The following MINDY4 variants were observed in gnomAD, a reference collection of about 807,000 sequenced individuals.
MINDY4 encodes probable ubiquitin carboxyl-terminal hydrolase MINDY-4.
A neutral mutation model predicts 87.0 loss-of-function variants in MINDY4; 68 were observed. The ratio of observed to expected loss-of-function variants is 0.78; its 90% CI spans 0.64 to 0.96. The LOEUF is 0.96. Ranked by LOEUF, MINDY4 falls within the 40% of genes least tolerant of loss-of-function variation. The probability of loss-of-function intolerance (pLI) is 0.00; values close to 1 mark genes in which losing one functional copy is unlikely to be tolerated. For missense variants in MINDY4, 919 were observed against 928.2 expected, an observed-to-expected ratio of 0.99 and a Z score of 0.13; for synonymous variants, 379 against 363.2, an observed-to-expected ratio of 1.04 and a Z score of -0.50.
At chr7:30,856,935 A>C (rs1789591064) in intron 12 of MINDY4, among the ~76,000 whole-genome samples, 1 of 152,212 alleles carries the variant, frequency 6.6e-6, no homozygotes, top group Non-Finnish European at 1.5e-5. Context: ...AAGAATGTGC[A>C]CCATAAGCCA....
rs114979047 is a variant in MINDY4 at position 30,814,178 on chromosome 7, C to T, written c.1074-14501C>T. 4.8e-3 allele frequency among the ~76,000 whole-genome samples: 725 copies of T among 152,310 alleles called. 4 individuals are homozygous for T. The highest frequency in any genetic ancestry group is 8.3e-3 in the African/African-American group (347 of 41,570). ...AAAGAATATGAAAGTATTTAATTTT[C>T]GCAAATTTTCCAAAAATACAAGACC... On this transcript the variant is annotated intron_variant, in intron 5 of 17. Transcript: ENST00000265299.
In MINDY4 at chr7:30,778,468, CGCCCACGCTCTGACCTCA is replaced by C. The variant is rs1562527793; in HGVS notation, c.103_120del (p.Pro35_Ser40del). On this transcript the variant is annotated inframe_deletion, in exon 2 of 18. Coordinates refer to ENST00000265299, the MANE Select transcript of MINDY4 (RefSeq NM_032222.3). ...GACATGTGTGACCATGGACCAGGAA[CGCCCACGCTCTGACCTCA>C]GCATAAACAACAGAAATGATCTTCG... is the stretch of plus-strand genomic sequence containing the variant. 3 of 1,614,148 alleles carry C rather than the reference CGCCCACGCTCTGACCTCA, an allele frequency of 1.9e-6. No homozygotes were observed. Among genetic ancestry groups the C allele is most frequent in the Non-Finnish European group, 2.5e-6 (3 of 1,180,006 alleles).
intron 4 of MINDY4, among the ~76,000 whole-genome samples, chr7:30,787,837 A>G (rs1392109503): frequency 6.6e-6 from 1 of 152,198 alleles, no homozygotes; most frequent in Admixed American, 6.5e-5. Flanking sequence ...GGCTCTCTTT[A>G]TACTCTTAAA....
chr7:30,776,554 TG>T lies in MINDY4; in HGVS notation c.64-1877del, dbSNP rs150066361. On this transcript the variant is annotated intron_variant, in intron 1 of 17. Coordinates refer to ENST00000265299, the MANE Select transcript of MINDY4 (RefSeq NM_032222.3). ...CTCCCCCTATAGAGTGCAAGCTCCC[TG>T]AGGACTGGGACTTTCATCTGTTCAC... Among the ~76,000 whole-genome samples the T allele has an allele frequency of 3.6e-3, 542 of 152,354 alleles. 12 individuals are homozygous for T. Among genetic ancestry groups the T allele is most frequent in the East Asian group, 0.012 (61 of 5,190 alleles).
chr7:30,876,767 C>T (rs1343469370), intron 15 of MINDY4, among the ~76,000 whole-genome samples: 1 of 152,150 alleles, frequency 6.6e-6, no homozygotes, highest in Non-Finnish European at 1.5e-5. Flanking sequence ...ACAGTGGCCA[C>T]CCCCTGCAAA....
At chr7:30,866,924 C>T (rs996301581) in intron 13 of MINDY4, among the ~76,000 whole-genome samples, 9 of 152,172 alleles carry the variant, frequency 5.9e-5, no homozygotes, top group Admixed American at 4.6e-4. Context: ...CAACTCTCCC[C>T]CTGCCTCCTG....
rs183896051 is a variant in MINDY4, at chr7:30,787,738, G to C, written c.663+1746G>C. 2.0e-4 allele frequency among the ~76,000 whole-genome samples: 30 copies of C among 152,280 alleles called. No homozygotes were observed. The East Asian group carries it at 4.4e-3, about 22-fold the overall frequency. Reference sequence around the variant, plus strand: ...GGCTAGTTATGTAAAAGGGAAGTTAGGTAACCCATCTGCTGGGGACACTGT... The same window carrying C: ...GGCTAGTTATGTAAAAGGGAAGTTACGTAACCCATCTGCTGGGGACACTGT... On this transcript the variant is annotated intron_variant, in intron 4 of 17. Coordinates refer to ENST00000265299, the MANE Select transcript of MINDY4 (RefSeq NM_032222.3).
chr7:30,785,197 T>C (rs930819172), intron 3 of MINDY4, among the ~76,000 whole-genome samples: 2 of 151,742 alleles, frequency 1.3e-5, no homozygotes, highest in African/African-American at 4.8e-5. Flanking sequence ...CCATCCACCC[T>C]CTTACACTCC....
intron 17 of MINDY4, among the ~76,000 whole-genome samples, chr7:30,883,773 G>T (rs562169153): frequency 6.6e-6 from 1 of 152,164 alleles, no homozygotes; most frequent in Non-Finnish European, 1.5e-5. Flanking sequence ...GAGAGGCCTG[G>T]ATCCTGGTCC....
intron 1 of MINDY4, among the ~76,000 whole-genome samples, chr7:30,776,998 CTTTCTT>C (rs3076404): frequency 2.0e-5 from 3 of 151,296 alleles, no homozygotes; most frequent in Admixed American, 6.6e-5. Context: ...TTTCTTCTTT[CTTTCTT>C]TTTCTTTTTC....
At chr7:30,801,764 A>T (rs1787657623) in intron 5 of MINDY4, among the ~76,000 whole-genome samples, 1 of 152,170 alleles carries the variant, frequency 6.6e-6, no homozygotes, top group South Asian at 2.1e-4. Flanking sequence ...CTCTGATCTG[A>T]TGCGTCTGCA....
At chr7:30,791,134 T>C (rs891224430) in intron 4 of MINDY4, 31 bp from the exon 5 acceptor site, 16 of 1,562,750 alleles carry the variant, frequency 1.0e-5, no homozygotes, top group Non-Finnish European at 1.4e-5. Flanking sequence ...CCTCAAAGGG[T>C]CCTCACTGCT....
In MINDY4 at chr7:30,785,754, A is replaced by G. The variant is rs758560741; in HGVS notation, c.425A>G (p.Asp142Gly). 2 of 1,614,084 alleles carry G rather than the reference A, an allele frequency of 1.2e-6. No individual in the cohort carries two copies. The highest frequency in any genetic ancestry group is 2.2e-5 in the East Asian group (1 of 44,904). Reference protein sequence around the residue: ...SLSETSKARHDNLDGDVLGNF... With the variant: ...SLSETSKARHGNLDGDVLGNF... ...GAAATATTCCTTTTTCACAGACATGACAATCTTGATGGAGATGTACTTGGT... is the reference window on the plus strand; with the variant it reads ...GAAATATTCCTTTTTCACAGACATGGCAATCTTGATGGAGATGTACTTGGT... Residue 142 changes from aspartate to glycine, a missense_variant, in exon 4 of 18, where the codon GAC (aspartate) becomes GGC (glycine). Transcript: ENST00000265299.
intron 5 of MINDY4, among the ~76,000 whole-genome samples, chr7:30,820,927 G>A (rs1457695422): frequency 6.6e-6 from 1 of 152,068 alleles, no homozygotes; most frequent in African/African-American, 2.4e-5. Flanking sequence ...TTTCCACAGT[G>A]GCACTTACTT....
At chr7:30,796,297 C>G (rs146826067) in intron 5 of MINDY4, among the ~76,000 whole-genome samples, 1 of 152,272 alleles carries the variant, frequency 6.6e-6, no homozygotes, top group Non-Finnish European at 1.5e-5. Context: ...AAACCCACAG[C>G]CATGCCATCC....
intron 8 of MINDY4, among the ~76,000 whole-genome samples, chr7:30,839,771 G>C (rs1788976327): frequency 6.6e-6 from 1 of 152,158 alleles, no homozygotes; most frequent in African/African-American, 2.4e-5. Flanking sequence ...TGCATGAAAA[G>C]GCAGAGGGAT....
chr7:30,857,368 A>C (rs1434479397), intron 12 of MINDY4, among the ~76,000 whole-genome samples: 1 of 150,980 alleles, frequency 6.6e-6, no homozygotes, highest in Non-Finnish European at 1.5e-5. Flanking sequence ...CATTTCTGTC[A>C]TGGCAGAACC....
intron 2 of MINDY4, 38 bp downstream of exon 2, chr7:30,778,589 C>T (rs769751946): frequency 1.9e-6 from 3 of 1,612,770 alleles, no homozygotes; most frequent in East Asian, 4.5e-5. Flanking sequence ...AGTCTTGGAA[C>T]TGAGTTTGGC....
chr7:30,836,587 G>T, intron 6 of MINDY4, 71 bp from the exon 7 acceptor site: 1 of 1,221,056 alleles, frequency 8.2e-7, no homozygotes. Context: ...TGTCTGTGGT[G>T]TTCAGTGACT....
Sources: allele counts gnomAD v4.1 joint callset (sites outside exome capture counted in the v4.1 genomes callset), GRCh38; gene constraint gnomAD v4.1.1; transcripts MANE v1.5; gene names NCBI Gene and HGNC (gene_info 2026-07-23, HGNC 2026-07-21).